Variants in MCC observed in about 807,000 individuals in gnomAD.
MCC encodes the protein MCC regulator of Wnt signaling pathway.
In MCC, 90 loss-of-function variants were observed where a neutral mutation model predicts 116.2. The ratio of observed to expected loss-of-function variants is 0.77; its 90% CI spans 0.65 to 0.92. The LOEUF is 0.92. Ranked by LOEUF, MCC falls within the 40% of genes least tolerant of loss-of-function variation. MCC has a pLI of 0.00. For missense variants in MCC, 1,516 were observed against 1,312.2 expected (o/e 1.16, Z -2.40); for synonymous variants, 578 against 510.5 (o/e 1.13, Z -1.78).
chr5:113,361,053 C>T (rs898195071), intron 2 of MCC, among the ~76,000 whole-genome samples: 1 of 152,176 alleles, frequency 6.6e-6, no homozygotes, highest in Non-Finnish European at 1.5e-5. Context: ...AATTTGTGGT[C>T]CTTTCTTTTC....
chr5:113,065,535 T>C lies in MCC; in HGVS notation c.2030-1368A>G, dbSNP rs1753544304. Among the ~76,000 whole-genome samples, 3 of 152,172 alleles carry C rather than the reference T, an allele frequency of 2.0e-5. No homozygotes were observed. In the South Asian group the frequency reaches 6.2e-4, roughly 32 times the overall value. On this transcript the variant is annotated intron_variant, in intron 13 of 18. Transcript: ENST00000408903. The stretch of plus-strand genomic sequence containing the variant: ...ACATACAAAAAAGGTAAATGCGGAA[T>C]TGGATGAAGTGGGCAGAAGTGGGAG...
intron 3 of MCC, among the ~76,000 whole-genome samples, chr5:113,307,531 T>G: frequency 6.6e-6 from 1 of 152,258 alleles, no homozygotes; most frequent in East Asian, 1.9e-4. Context: ...TTATTAGTTC[T>G]AACCTTTTGG....
intron 3 of MCC, among the ~76,000 whole-genome samples, chr5:113,152,297 C>A (rs1759928693): frequency 6.6e-6 from 1 of 152,198 alleles, no homozygotes; most frequent in African/African-American, 2.4e-5. Flanking sequence ...CTGTGATTTT[C>A]AGGCCGACGG....
At chr5:113,046,134 T>C (rs189243883) in intron 16 of MCC, among the ~76,000 whole-genome samples, 205 of 152,166 alleles carry the variant, frequency 1.3e-3, no homozygotes, top group Non-Finnish European at 1.5e-3. Flanking sequence ...CATACTCTTA[T>C]AAAGGTTCTT....
rs1222538251 is a variant in MCC, at chr5:113,262,672, T to G, written c.627+77847A>C. ...CCAGTTAGCTTCTAAGTAATGCAAA[T>G]GGCATCCAAACACAGGTTTGGGACT... On this transcript the variant is annotated intron_variant, in intron 3 of 18. Coordinates refer to ENST00000408903, the MANE Select transcript of MCC (RefSeq NM_001085377.2). 3.9e-5 allele frequency among the ~76,000 whole-genome samples: 6 copies of G among 152,230 alleles called. No homozygotes were observed. The South Asian group carries it at 1.2e-3, about 32-fold the overall frequency.
intron 3 of MCC, among the ~76,000 whole-genome samples, chr5:113,190,528 CT>C (rs145222290): frequency 0.019 from 2,938 of 152,188 alleles, 104 homozygotes; most frequent in African/African-American, 0.068. Flanking sequence ...AGCCCTAATT[CT>C]AAGGGGGAAA....
chr5:113,108,495 A>C lies in MCC; in HGVS notation c.1028-4140T>G, dbSNP rs552937068. 3.3e-5 allele frequency among the ~76,000 whole-genome samples: 5 copies of C among 151,970 alleles called. No homozygotes were observed. The South Asian group carries it at 1.0e-3, about 32-fold the overall frequency. On this transcript the variant is annotated intron_variant, in intron 6 of 18. Coordinates refer to ENST00000408903, the MANE Select transcript of MCC (RefSeq NM_001085377.2). ...TAGTGAAACCCTGTCTCTACTAAAA[A>C]TACAAACATTAGCAGGGCATAGTGG... is the stretch of plus-strand genomic sequence containing the variant.
chr5:113,195,019 C>A lies in MCC; in HGVS notation c.628-43597G>T, dbSNP rs145165958. Among the ~76,000 whole-genome samples, 1,204 of 152,288 alleles carry A rather than the reference C, an allele frequency of 7.9e-3. 26 individuals carry two copies. The highest frequency in any genetic ancestry group is 0.02 in the African/African-American group (849 of 41,546). ...TTTAACTCTGAATAGAACCAGGCTG[C>A]CCCAGAAGCATCCATGCCCATTTCA... On this transcript the variant is annotated intron_variant, in intron 3 of 18. Transcript: ENST00000408903.
intron 14 of MCC, among the ~76,000 whole-genome samples, chr5:113,059,304 G>C (rs1177115572): frequency 6.6e-6 from 1 of 152,204 alleles, no homozygotes; most frequent in East Asian, 1.9e-4. Flanking sequence ...GCGGGGAACA[G>C]ATCAGGCGAG....
At chr5:113,295,775 A>G (rs776403875) in intron 3 of MCC, among the ~76,000 whole-genome samples, 6 of 152,190 alleles carry the variant, frequency 3.9e-5, no homozygotes, top group Non-Finnish European at 8.8e-5. Context: ...TTAAAGTTCC[A>G]ATGAATTTGA....
intron 3 of MCC, among the ~76,000 whole-genome samples, chr5:113,288,097 C>T (rs564955795): frequency 1.3e-5 from 2 of 152,240 alleles, no homozygotes; most frequent in Non-Finnish European, 1.5e-5. Flanking sequence ...TGATCCACTG[C>T]ATTTGACTCA....
chr5:113,459,695 T>A (rs1771691332), intron 1 of MCC, among the ~76,000 whole-genome samples: 1 of 152,152 alleles, frequency 6.6e-6, no homozygotes, highest in Non-Finnish European at 1.5e-5. Context: ...CCTCTGTCGC[T>A]GCTCGCCCAT....
chr5:113,471,107 T>G (rs1213361668), intron 1 of MCC, among the ~76,000 whole-genome samples: 2 of 145,942 alleles, frequency 1.4e-5, no homozygotes, highest in Non-Finnish European at 3.0e-5. Flanking sequence ...GCTTTTAACT[T>G]CTTTGCCATT....
chr5:113,232,166 AC>A (rs766683410), intron 3 of MCC, among the ~76,000 whole-genome samples: 22 of 152,210 alleles, frequency 1.4e-4, no homozygotes, highest in Non-Finnish European at 3.1e-4. Context: ...AATTTTCTAA[AC>A]TCCAGGGGAA....
At chr5:113,096,640 G>A (rs1173168015) in intron 8 of MCC, among the ~76,000 whole-genome samples, 1 of 152,238 alleles carries the variant, frequency 6.6e-6, no homozygotes, top group Admixed American at 6.5e-5. Flanking sequence ...GGGCGCAGAA[G>A]CATTTAAATG....
At chr5:113,426,735 T>A (rs1371362438) in intron 1 of MCC, among the ~76,000 whole-genome samples, 11 of 152,178 alleles carry the variant, frequency 7.2e-5, no homozygotes, top group Admixed American at 7.2e-4. Context: ...ATTCGTGATG[T>A]CTCAAATAAA....
At chr5:113,455,932 G>A (rs1227861481) in intron 1 of MCC, among the ~76,000 whole-genome samples, 2 of 152,150 alleles carry the variant, frequency 1.3e-5, no homozygotes, top group African/African-American at 2.4e-5. Context: ...AGGTGCCACA[G>A]AAAGGGTAAA....
chr5:113,430,223 C>T (rs4398627), intron 1 of MCC, among the ~76,000 whole-genome samples: 73,703 of 152,098 alleles, frequency 0.48, 19,993 homozygotes, highest in African/African-American at 0.74. Flanking sequence ...GGGAGGTACA[C>T]CAATCTTTCA....
At chr5:113,433,515 G>A in intron 1 of MCC, 1 of 623,910 alleles carries the variant, frequency 1.6e-6, no homozygotes, top group Non-Finnish European at 2.8e-6. Flanking sequence ...GGGGGAGTAG[G>A]AGTCGCACGA....
Sources: allele counts gnomAD v4.1 joint callset (sites outside exome capture counted in the v4.1 genomes callset), GRCh38; gene constraint gnomAD v4.1.1; transcripts MANE v1.5; gene names NCBI Gene and HGNC (gene_info 2026-07-23, HGNC 2026-07-21).